XKR9: variants seen among roughly 807,000 people sequenced by gnomAD.
XKR9 encodes the protein XK-related protein 9.
XKR9 carries 32 observed loss-of-function variants against 32.0 expected under a neutral mutation model. The observed-to-expected ratio is 1.00, with a 90% CI of 0.76 to 1.34. The LOEUF is 1.34. XKR9 is among the 40% of genes most tolerant of loss of function. The pLI is 0.00. For synonymous variants in XKR9, 168 were observed against 143.4 expected (o/e 1.17, Z -1.22); for missense variants, 546 against 429.7 (o/e 1.27, Z -2.39).
chr8:70,952,409 T>G, the XKR9 span, among the ~76,000 whole-genome samples: 1 of 152,230 alleles, frequency 6.6e-6, no homozygotes, highest in Non-Finnish European at 1.5e-5. Flanking sequence ...TTAACCATTA[T>G]TCTTCCTTTC....
the XKR9 span, among the ~76,000 whole-genome samples, chr8:70,831,835 G>A: frequency 4.1e-4 from 62 of 152,104 alleles, no homozygotes; most frequent in African/African-American, 1.4e-3. Context: ...AAAGCCTCAC[G>A]ACTAGTAAAT....
chr8:71,017,224 G>A, the XKR9 span, among the ~76,000 whole-genome samples: 1,802 of 152,302 alleles, frequency 0.012, 14 homozygotes, highest in Non-Finnish European at 0.018. Context: ...TAAAGGGGTA[G>A]GCAACAATGG....
chr8:70,832,917 G>A, the XKR9 span, among the ~76,000 whole-genome samples: 2 of 152,260 alleles, frequency 1.3e-5, no homozygotes, highest in South Asian at 4.1e-4. Context: ...TACATCTTCA[G>A]TGTCTGGATT....
the XKR9 span, among the ~76,000 whole-genome samples, chr8:70,847,781 AAAACCTCAGT>A: frequency 6.6e-6 from 1 of 152,032 alleles, no homozygotes. Context: ...GAAGAAATAG[AAAACCTCAGT>A]AAACCAATAA....
chr8:70,899,515 G>T, the XKR9 span, among the ~76,000 whole-genome samples: 12,685 of 151,716 alleles, frequency 0.084, 602 homozygotes, highest in African/African-American at 0.097. Context: ...GTACAAGCTG[G>T]ATGATAAATG....
At chr8:70,793,328 C>T (rs1298757818), downstream of XKR9, among the ~76,000 whole-genome samples, 10 of 151,956 alleles carry the variant, frequency 6.6e-5, no homozygotes, top group Admixed American at 6.6e-4. Flanking sequence ...AGGCTCTGCC[C>T]TCATGAATGA....
the XKR9 span, among the ~76,000 whole-genome samples, chr8:70,855,409 A>C: frequency 2.6e-5 from 4 of 152,118 alleles, no homozygotes; most frequent in Non-Finnish European, 2.9e-5. Flanking sequence ...GAAATGAAGC[A>C]AGGAGAGAAG....
chr8:70,759,567 T>TA (rs1807278978), intron 2 of XKR9, among the ~76,000 whole-genome samples: 1 of 152,218 alleles, frequency 6.6e-6, no homozygotes, highest in South Asian at 2.1e-4. Context: ...AAGGTATGGT[T>TA]ATGACATCTT....
the XKR9 span, among the ~76,000 whole-genome samples, chr8:71,043,374 T>C: frequency 1.3e-5 from 2 of 152,206 alleles, no homozygotes; most frequent in Non-Finnish European, 2.9e-5. Context: ...GAGTTGAAAG[T>C]AGGAGATATT....
chr8:70,978,397 G>A, the XKR9 span, among the ~76,000 whole-genome samples: 965 of 152,184 alleles, frequency 6.3e-3, 10 homozygotes, highest in African/African-American at 0.022. Context: ...CGTGTTTAGT[G>A]CTTCCTTCAG....
At chr8:70,991,161 G>C in the XKR9 span, among the ~76,000 whole-genome samples, 1 of 152,162 alleles carries the variant, frequency 6.6e-6, no homozygotes, top group Non-Finnish European at 1.5e-5. Flanking sequence ...AGAGCTGCCT[G>C]TGAGCAGTTC....
the XKR9 span, among the ~76,000 whole-genome samples, chr8:70,897,520 C>T: frequency 0.073 from 11,056 of 152,190 alleles, 475 homozygotes; most frequent in Non-Finnish European, 0.089. Flanking sequence ...GGGTTCCTTT[C>T]CTCCACATCT....
At chr8:70,689,233 G>A (rs1034545732) in intron 3 of XKR9, among the ~76,000 whole-genome samples, 1 of 151,786 alleles carries the variant, frequency 6.6e-6, no homozygotes, top group African/African-American at 2.4e-5. Context: ...ATACAAATAG[G>A]CCTTAAGTTG....
the XKR9 span, among the ~76,000 whole-genome samples, chr8:70,999,514 A>C: frequency 6.6e-6 from 1 of 152,216 alleles, no homozygotes; most frequent in Non-Finnish European, 1.5e-5. Context: ...CACCAAATAG[A>C]TTAGTAATTA....
At chr8:70,825,924 T>G in the XKR9 span, among the ~76,000 whole-genome samples, 1 of 152,090 alleles carries the variant, frequency 6.6e-6, no homozygotes, top group Non-Finnish European at 1.5e-5. Flanking sequence ...TAAACTATAC[T>G]TCCTTCAGAA....
At chr8:71,024,288 T>G in the XKR9 span, among the ~76,000 whole-genome samples, 1 of 152,216 alleles carries the variant, frequency 6.6e-6, no homozygotes, top group South Asian at 2.1e-4. Flanking sequence ...CCTTTTGTCC[T>G]TGGCAGCAGC....
At chr8:70,926,065 C>T in the XKR9 span, among the ~76,000 whole-genome samples, 1 of 151,996 alleles carries the variant, frequency 6.6e-6, no homozygotes, top group Admixed American at 6.6e-5. Flanking sequence ...TATATTATAA[C>T]CAATTTCTTT....
At chr8:70,971,298 C>A in the XKR9 span, among the ~76,000 whole-genome samples, 2 of 151,750 alleles carry the variant, frequency 1.3e-5, no homozygotes, top group African/African-American at 4.8e-5. Context: ...CCTTAGCCCA[C>A]TTTTTGATGG....
At chr8:70,733,702 G>T in intron 4 of XKR9, 94 bp from the exon 5 acceptor site, 8 of 1,157,950 alleles carry the variant, frequency 6.9e-6, no homozygotes, top group South Asian at 4.3e-5. Context: ...GTGTTTGTGG[G>T]TGTGTGTATA....
Sources: gnomAD v4.1 joint callset for allele counts (sites outside exome capture counted in the v4.1 genomes callset) on GRCh38, gnomAD v4.1.1 for gene constraint, MANE v1.5 for transcripts, NCBI Gene and HGNC (gene_info 2026-07-23, HGNC 2026-07-21) for gene names.